The following CFAP54 variants were observed in gnomAD, a reference collection of about 807,000 sequenced individuals.
CFAP54 encodes cilia and flagella associated protein 54, also known as cilia- and flagella-associated protein 54.
CFAP54 carries 290 observed loss-of-function variants against 370.4 expected under a neutral mutation model. The observed-to-expected ratio is 0.78, with a 90% CI of 0.71 to 0.86. The LOEUF is 0.86. Ranked by LOEUF, CFAP54 falls within the 40% of genes least tolerant of loss-of-function variation. The pLI is 0.00. For missense variants in CFAP54, 3,399 were observed against 3,528.7 expected (o/e 0.96, Z 0.93); for synonymous variants, 1,206 against 1,236.5 (o/e 0.98, Z 0.52).
chr12:96,489,780 C>T lies in CFAP54; in HGVS notation c.171C>T (p.Pro57=), dbSNP rs1954856173. The T allele has an allele frequency of 1.3e-6, 2 of 1,536,012 alleles. No individual in the cohort carries two copies. The highest frequency in any genetic ancestry group is 2.4e-5 in the East Asian group (1 of 40,930). The part of the protein sequence containing the change: ...LQWTCPEDSL[P]LAVFYGPLDA... ...GGACCTGCCCCGAGGACTCATTGCCCCTAGCCGTGTTTTATGGGCCGCTGG... is the reference window on the plus strand; with the variant it reads ...GGACCTGCCCCGAGGACTCATTGCCTCTAGCCGTGTTTTATGGGCCGCTGG... Residue 57 remains proline, a synonymous_variant, in exon 1 of 68, where the codon CCC becomes CCT. Transcript: ENST00000524981.
intron 66 of CFAP54, among the ~76,000 whole-genome samples, chr12:96,848,579 C>T (rs12579187): frequency 0.032 from 4,893 of 152,142 alleles, 150 homozygotes; most frequent in East Asian, 0.11. Context: ...TGCCTGTAGT[C>T]CCAGCTGCTT....
intron 19 of CFAP54, among the ~76,000 whole-genome samples, chr12:96,576,156 A>G (rs960099188): frequency 2.0e-5 from 3 of 152,040 alleles, no homozygotes; most frequent in African/African-American, 7.2e-5. Flanking sequence ...TATTTCATAA[A>G]CCACATATAC....
In CFAP54 at chr12:96,539,080, TTTTG is replaced by T. The variant is rs1392629013; in HGVS notation, c.1926+566_1926+569del. 2.0e-4 allele frequency among the ~76,000 whole-genome samples: 29 copies of T among 142,476 alleles called. 3 individuals carry two copies. Among genetic ancestry groups the T allele is most frequent in the South Asian group, 7.1e-4 (3 of 4,198 alleles). 93.5% of individuals were successfully genotyped at this position (142,476 alleles called of 152,430 possible). ...CCTTTTCAGGTTTTTTTTTTTTTGT[TTTTG>T]TTTTTGAGATGGAGTCTTGCTCTGT... On this transcript the variant is annotated intron_variant, in intron 13 of 67. Coordinates refer to ENST00000524981, the MANE Select transcript of CFAP54 (RefSeq NM_001306084.2).
intron 33 of CFAP54, among the ~76,000 whole-genome samples, chr12:96,647,406 G>T (rs1286661766): frequency 7.1e-6 from 1 of 140,032 alleles, no homozygotes; most frequent in East Asian, 2.3e-4. Context: ...CCAGGAGGCA[G>T]AGCTTGCAGT....
intron 63 of CFAP54, among the ~76,000 whole-genome samples, chr12:96,794,439 CT>C (rs35900285): frequency 7.5e-4 from 109 of 145,396 alleles, no homozygotes; most frequent in Middle Eastern, 7.2e-3. Flanking sequence ...TTTTTTTATT[CT>C]TTTTTTTTTT....
At chr12:96,566,814 C>CT (rs907314119) in intron 19 of CFAP54, among the ~76,000 whole-genome samples, 49 of 152,150 alleles carry the variant, frequency 3.2e-4, no homozygotes, top group African/African-American at 1.2e-3. Context: ...TGGAAGTTCA[C>CT]TATGTGCCTG....
intron 6 of CFAP54, among the ~76,000 whole-genome samples, chr12:96,521,612 T>G (rs1955320845): frequency 6.6e-6 from 1 of 152,108 alleles, no homozygotes; most frequent in South Asian, 2.1e-4. Flanking sequence ...ATGGAGCTAC[T>G]GTTTAAGTGA....
At chr12:96,599,558 G>C (rs868679918) in intron 26 of CFAP54, among the ~76,000 whole-genome samples, 1 of 152,094 alleles carries the variant, frequency 6.6e-6, no homozygotes. Flanking sequence ...GGTATTTCTA[G>C]TTCTAGATCC....
Position 96,720,410 on chromosome 12 carries a change from G to C in CFAP54, c.6810G>C (p.Met2270Ile). 6.7e-7 allele frequency: 1 copy of C among 1,502,642 alleles called. No homozygotes were observed. Among genetic ancestry groups the C allele is most frequent in the Non-Finnish European group, 8.9e-7 (1 of 1,118,218 alleles). 93.1% of individuals were successfully genotyped at this position (1,502,642 alleles called of 1,614,324 possible). Reference sequence around the variant, plus strand: ...GTATGGTATCCTTTCCTTAGTCGATGTTACTGATGGAAGCTGAGGACAGGC... The same window carrying C: ...GTATGGTATCCTTTCCTTAGTCGATCTTACTGATGGAAGCTGAGGACAGGC... ...DEITLSMLKS[M>I]LLMEAEDRLN... The change falls in exon 50 of 68, where the codon ATG (methionine) becomes ATC (isoleucine). Residue 2270 changes from methionine (M) to isoleucine (I), a missense_variant. By Grantham distance (10) the Met-to-Ile change is conservative. This residue lies in a region of CFAP54 where 2,796 missense variants were observed against 2,869.7 expected (regional missense o/e 0.97). Coordinates refer to ENST00000524981, the MANE Select transcript of CFAP54 (RefSeq NM_001306084.2).
chr12:96,792,419 A>G lies in CFAP54; in HGVS notation c.8770A>G (p.Thr2924Ala), dbSNP rs1592764337. 4 of 1,535,990 alleles carry G rather than the reference A, an allele frequency of 2.6e-6. No individual in the cohort carries two copies. The highest frequency in any genetic ancestry group is 4.9e-5 in the East Asian group (2 of 40,902). Residue 2924 changes from threonine (T) to alanine (A), a missense_variant, in exon 63 of 68, where the codon ACG becomes GCG. By Grantham distance (58) the Thr-to-Ala change is moderately conservative. This residue lies in a region of CFAP54 where 2,796 missense variants were observed against 2,869.7 expected (regional missense o/e 0.97). Transcript: ENST00000524981. ...GGACATAACGCCAATAGAAATGGTA[A>G]CGCAAGCTTCAAACAAAGAACTTTG... ...CVDITPIEMV[T>A]QASNKELCFQ...
At chr12:96,826,306 A>C (rs372407910) in intron 65 of CFAP54, among the ~76,000 whole-genome samples, 7 of 133,524 alleles carry the variant, frequency 5.2e-5, no homozygotes, top group Non-Finnish European at 9.4e-5. Flanking sequence ...TATATATAGA[A>C]GACAATATAT....
Position 96,644,275 on chromosome 12 carries a change from C to T in CFAP54, c.4414C>T (p.Arg1472Cys), listed in dbSNP as rs1385646460. 6.5e-6 allele frequency: 10 copies of T among 1,535,522 alleles called. No homozygotes were observed. Among genetic ancestry groups the T allele is most frequent in the East Asian group, 4.9e-5 (2 of 40,920 alleles). Residue 1472 changes from arginine (R) to cysteine (C), a missense_variant, in exon 33 of 68, where the codon CGT (arginine) becomes TGT (cysteine). Arg to Cys is a radical substitution (Grantham distance 180, BLOSUM62 -3). Coordinates refer to ENST00000524981, the MANE Select transcript of CFAP54 (RefSeq NM_001306084.2). ...LSYVKRKRFH[R>C]LSLEEMPWRA... is the part of the protein sequence containing the mutation. ...TTATGTTAAAAGAAAGAGGTTCCAT[C>T]GTCTATCACTTGAAGAGATGCCCTG...
At chr12:96,615,674 TAAAC>T (rs978684392) in intron 26 of CFAP54, among the ~76,000 whole-genome samples, 2 of 151,592 alleles carry the variant, frequency 1.3e-5, no homozygotes, top group African/African-American at 2.4e-5. Flanking sequence ...AAGAAAAAAA[TAAAC>T]AACCCCATCA....
chr12:96,766,219 G>A (rs1365775018), intron 60 of CFAP54, among the ~76,000 whole-genome samples: 1 of 152,148 alleles, frequency 6.6e-6, no homozygotes, highest in African/African-American at 2.4e-5. Flanking sequence ...TGAAGCATAG[G>A]TGTCCCAAAT....
rs770915487 is a variant in CFAP54 at position 96,580,912 on chromosome 12, C to G, written c.2890-8C>G. 1 of 1,461,032 alleles carries G rather than the reference C, an allele frequency of 6.8e-7. No individual in the cohort carries two copies. 90.5% of individuals were successfully genotyped at this position (1,461,032 alleles called of 1,614,324 possible). On this transcript the variant is annotated splice_region_variant and splice_polypyrimidine_tract_variant and intron_variant, in intron 21 of 67. Coordinates refer to ENST00000524981, the MANE Select transcript of CFAP54 (RefSeq NM_001306084.2). ...CATGTATAACTTGAAATATATTTTT[C>G]TTAATAGATACCAGCTGACGGTAAA...
At chr12:96,542,642 T>TA (rs768478384) in intron 14 of CFAP54, among the ~76,000 whole-genome samples, 8 of 152,150 alleles carry the variant, frequency 5.3e-5, no homozygotes, top group Non-Finnish European at 1.0e-4. Flanking sequence ...TTCCAGCAAA[T>TA]ACCACCCCAC....
chr12:96,598,858 A>T (rs1467301283), intron 26 of CFAP54, 91 bp downstream of exon 26: 5 of 400,966 alleles, frequency 1.2e-5, no homozygotes, highest in Non-Finnish European at 2.2e-5. Flanking sequence ...GAACACTTTT[A>T]AAAATGGCAC....
At position 96,811,716 on chromosome 12, in the gene CFAP54, C is replaced by A; in HGVS notation, c.8851-20C>A. On this transcript the variant is annotated intron_variant, in intron 63 of 67. Transcript: ENST00000524981. ...CTAATTTTGATGTCACATTTTATAC[C>A]CCTTTTATTTTTCTTATAGGTTTTA... 2 of 1,263,764 alleles carry A rather than the reference C, an allele frequency of 1.6e-6. No homozygotes were observed. Among genetic ancestry groups the A allele is most frequent in the Non-Finnish European group, 1.1e-6 (1 of 935,320 alleles). 78.3% of individuals were successfully genotyped at this position (1,263,764 alleles called of 1,614,324 possible). A position where few individuals can be genotyped will look rare whatever the true frequency, so the allele number is the denominator to read the frequency against.
At chr12:96,872,960 G>T (rs545628744) in intron 67 of CFAP54, among the ~76,000 whole-genome samples, 9 of 152,312 alleles carry the variant, frequency 5.9e-5, no homozygotes, top group African/African-American at 2.2e-4. Flanking sequence ...AAATAAAAGA[G>T]AAAGAGAAGA....
Sources: gnomAD v4.1 joint callset for allele counts (sites outside exome capture counted in the v4.1 genomes callset) on GRCh38, gnomAD v4.1.1 for gene constraint, gnomAD v4.1.1 regional missense constraint, MANE v1.5 for transcripts, NCBI Gene and HGNC (gene_info 2026-07-23, HGNC 2026-07-21) for gene names.